SLC36A3: variants seen among roughly 807,000 people sequenced by gnomAD.
The protein encoded by SLC36A3 is proton-coupled amino acid transporter 3.
Under a neutral mutation model 44.3 loss-of-function variants are expected in SLC36A3, and 35 were observed. The ratio of observed to expected loss-of-function variants is 0.79; its 90% CI spans 0.60 to 1.05. The LOEUF (loss-of-function observed/expected upper bound fraction) is 1.05, where lower values mean the gene tolerates loss of function less well. Among genes scored for constraint, SLC36A3 ranks in the 50% least tolerant of loss-of-function variants. SLC36A3 has a pLI of 0.00. For missense variants in SLC36A3, 540 were observed against 578.7 expected, an observed-to-expected ratio of 0.93 and a Z score of 0.69; for synonymous variants, 211 against 227.6, an observed-to-expected ratio of 0.93 and a Z score of 0.66.
chr5:151,291,981 C>T (rs754340591), intron 4 of SLC36A3, among the ~76,000 whole-genome samples: 2 of 152,144 alleles, frequency 1.3e-5, no homozygotes, highest in East Asian at 3.9e-4. Context: ...CTGCCTCAGT[C>T]TCCTGAGTAG....
At position 151,284,083 on chromosome 5, in the gene SLC36A3, T is replaced by C. The variant is rs1754435908; in HGVS notation, c.935A>G (p.Asp312Gly). The change falls in exon 8 of 10, where the codon GAC (aspartate) becomes GGC (glycine). Residue 312 changes from aspartate (D) to glycine (G), a missense_variant. By Grantham distance (94) the Asp-to-Gly change is moderately conservative (BLOSUM62 -1). Transcript: ENST00000335230. The part of the protein sequence containing the change: ...GTLGYMKFGS[D>G]TQASITLNLP... ...GTTGAGGGTGATGCTGGCCTGGGTGTCTGACCCAAACTTCATGTAGCCCAG... is the reference window on the plus strand; with the variant it reads ...GTTGAGGGTGATGCTGGCCTGGGTGCCTGACCCAAACTTCATGTAGCCCAG... 2 of 1,613,852 alleles carry C rather than the reference T, an allele frequency of 1.2e-6. No individual in the cohort carries two copies. Among genetic ancestry groups the C allele is most frequent in the Non-Finnish European group, 1.7e-6 (2 of 1,179,950 alleles).
chr5:151,287,314 C>A lies in SLC36A3; in HGVS notation c.640G>T (p.Val214Phe). 1 of 1,614,110 alleles carries A rather than the reference C, an allele frequency of 6.2e-7. No individual in the cohort carries two copies. Among genetic ancestry groups the A allele is most frequent in the Non-Finnish European group, 8.5e-7 (1 of 1,180,024 alleles). The stretch of plus-strand genomic sequence containing the variant: ...GTGATGTTGGCCAATGTCGAGAAGA[C>A]GGACAGCACCTTGAGGTTCTGGATA... ...VFIQNLKVLS[V>F]FSTLANITTL... Residue 214 changes from valine (V) to phenylalanine (F), a missense_variant, in exon 6 of 10, where the codon GTC becomes TTC. Physicochemically the swap from Val to Phe is conservative, Grantham distance 50 (BLOSUM62 -1). Transcript: ENST00000335230.
intron 3 of SLC36A3, among the ~76,000 whole-genome samples, chr5:151,295,919 A>T (rs1754942250): frequency 6.6e-6 from 1 of 152,210 alleles, no homozygotes; most frequent in Non-Finnish European, 1.5e-5. Flanking sequence ...ATCACTTTCG[A>T]TGCTTTCAGT....
chr5:151,280,639 G>A (rs953776625), intron 9 of SLC36A3, among the ~76,000 whole-genome samples: 2 of 152,198 alleles, frequency 1.3e-5, no homozygotes, highest in Non-Finnish European at 2.9e-5. Flanking sequence ...CACTTAGTGT[G>A]TATGACTCAG....
intron 6 of SLC36A3, among the ~76,000 whole-genome samples, chr5:151,285,503 T>C (rs1165628101): frequency 1.3e-5 from 2 of 152,208 alleles, no homozygotes; most frequent in Non-Finnish European, 2.9e-5. Context: ...GTCCACTAGT[T>C]AGTATAGCAG....
At chr5:151,299,388 TA>T (rs1424504471) in intron 1 of SLC36A3, among the ~76,000 whole-genome samples, 10 of 145,180 alleles carry the variant, frequency 6.9e-5, no homozygotes, top group African/African-American at 1.3e-4. Flanking sequence ...TATATATATA[TA>T]TATATTATAT....
intron 5 of SLC36A3, among the ~76,000 whole-genome samples, chr5:151,288,180 G>C (rs1754616192): frequency 6.6e-6 from 1 of 152,114 alleles, no homozygotes; most frequent in Non-Finnish European, 1.5e-5. Flanking sequence ...TTTCTACCCT[G>C]GCTAAACTCT....
intron 9 of SLC36A3, among the ~76,000 whole-genome samples, chr5:151,280,053 T>A (rs551682084): frequency 6.6e-6 from 1 of 152,178 alleles, no homozygotes; most frequent in Non-Finnish European, 1.5e-5. Context: ...TCCCCAGCCC[T>A]GTTCATGAGG....
In SLC36A3 at chr5:151,287,269, G is replaced by T; in HGVS notation, c.685C>A (p.Leu229Met). Residue 229 changes from leucine (L) to methionine (M), a missense_variant, in exon 6 of 10, where the codon CTG becomes ATG. Coordinates refer to ENST00000335230, the MANE Select transcript of SLC36A3 (RefSeq NM_181774.4). Reference protein sequence around the residue: ...ANITTLGSMALIFEYIMEGIP... With the variant: ...ANITTLGSMAMIFEYIMEGIP... ...ACCTCCATGATATACTCAAAGATCA[G>T]AGCCATGCTCCCAAGGGTGGTGATG... 6.2e-7 allele frequency: 1 copy of T among 1,614,108 alleles called. No individual in the cohort carries two copies. Among genetic ancestry groups the T allele is most frequent in the Non-Finnish European group, 8.5e-7 (1 of 1,180,022 alleles).
rs994892653 is a variant in SLC36A3 at position 151,298,516 on chromosome 5, G to A, written c.219+77C>T. 1.1e-5 allele frequency: 16 copies of A among 1,413,428 alleles called. 1 individual carries two copies. Among genetic ancestry groups the A allele is most frequent in the Non-Finnish European group, 1.5e-5 (15 of 1,008,816 alleles). The allele number at this position is 1,413,428 out of a possible 1,614,324, so 87.6% of individuals were successfully genotyped here. A position where few individuals can be genotyped will look rare whatever the true frequency, so the allele number is the denominator to read the frequency against. Reference sequence around the variant, plus strand: ...ACCCCCAAATTGCCCATTGATAACAGTGTGAAGGCCTTCAGGACCTATCAC... The same window carrying A: ...ACCCCCAAATTGCCCATTGATAACAATGTGAAGGCCTTCAGGACCTATCAC... On this transcript the variant is annotated intron_variant, in intron 2 of 9. Transcript: ENST00000335230.
chr5:151,287,485 A>G, intron 5 of SLC36A3, 21 bp from the exon 6 acceptor site: 1 of 1,609,432 alleles, frequency 6.2e-7, no homozygotes, highest in Non-Finnish European at 8.5e-7. Context: ...GCACAATGAC[A>G]GGCAGTGTGG....
intron 4 of SLC36A3, among the ~76,000 whole-genome samples, chr5:151,290,160 C>T (rs1754704093): frequency 6.6e-6 from 1 of 151,908 alleles, no homozygotes; most frequent in Non-Finnish European, 1.5e-5. Context: ...TTAAATTATT[C>T]CAAATTTGGA....
At chr5:151,277,966 A>G (rs1754158889) in intron 9 of SLC36A3, among the ~76,000 whole-genome samples, 1 of 152,212 alleles carries the variant, frequency 6.6e-6, no homozygotes, top group Admixed American at 6.6e-5. Context: ...CTCTAGAAGG[A>G]ACAGGACTTG....
intron 9 of SLC36A3, among the ~76,000 whole-genome samples, chr5:151,278,302 C>T (rs974706064): frequency 6.6e-6 from 1 of 150,516 alleles, no homozygotes; most frequent in Non-Finnish European, 1.5e-5. Flanking sequence ...TATCCAACCC[C>T]CATCCTTCTC....
chr5:151,299,770 C>T (rs978119178), intron 1 of SLC36A3, among the ~76,000 whole-genome samples: 3 of 151,998 alleles, frequency 2.0e-5, no homozygotes, highest in Non-Finnish European at 4.4e-5. Flanking sequence ...TGTTTCACTG[C>T]CAAAAAAGGG....
At chr5:151,280,513 C>T (rs1269900097) in intron 9 of SLC36A3, among the ~76,000 whole-genome samples, 1 of 152,156 alleles carries the variant, frequency 6.6e-6, no homozygotes, top group African/African-American at 2.4e-5. Flanking sequence ...TGGGATTTTT[C>T]CCTACAGTTA....
At position 151,277,633 on chromosome 5, in the gene SLC36A3, C is replaced by T; in HGVS notation, c.1173G>A (p.Leu391=). The change falls in exon 10 of 10, where the codon CTG becomes CTA. Residue 391 remains leucine (L), a synonymous_variant. Transcript: ENST00000335230. ...TCVSAILIPR[L]DLVISLVGSV... ...AGCCTACCAGGGAGATGACCAAGTC[C>T]AGGCGGGGGATGAGGATGGCTGAGA... The T allele has an allele frequency of 6.2e-7, 1 of 1,614,088 alleles. No homozygotes were observed.
At chr5:151,299,248 C>CTATATATATA (rs1755072787) in intron 1 of SLC36A3, among the ~76,000 whole-genome samples, 1 of 95,172 alleles carries the variant, frequency 1.1e-5, no homozygotes, top group African/African-American at 4.4e-5. Flanking sequence ...CTCTCTCTCT[C>CTATATATATA]TCTCTCTCTC....
intron 3 of SLC36A3, among the ~76,000 whole-genome samples, chr5:151,294,663 C>T (rs1216134583): frequency 6.6e-6 from 1 of 151,188 alleles, no homozygotes; most frequent in South Asian, 2.1e-4. Flanking sequence ...AGTTTTCACT[C>T]TAGTTGCCCA....
Sources: gnomAD v4.1 joint callset for allele counts (sites outside exome capture counted in the v4.1 genomes callset) on GRCh38, gnomAD v4.1.1 for gene constraint, MANE v1.5 for transcripts, NCBI Gene and HGNC (gene_info 2026-07-23, HGNC 2026-07-21) for gene names.